Variants in TDRD7 observed in about 807,000 individuals in gnomAD.
TDRD7 encodes tudor domain containing 7.
TDRD7 carries 47 observed loss-of-function variants against 109.8 expected under a neutral mutation model. That is an observed-to-expected ratio of 0.43 (90% CI 0.34 to 0.55). The LOEUF (loss-of-function observed/expected upper bound fraction) is 0.55, where lower values mean the gene tolerates loss of function less well. Among genes scored for constraint, TDRD7 ranks in the 20% least tolerant of loss-of-function variants. TDRD7 has a pLI of 0.03. For synonymous variants in TDRD7, 424 were observed against 457.3 expected, an observed-to-expected ratio of 0.93 and a Z score of 0.93; for missense variants, 1,164 against 1,319.2, an observed-to-expected ratio of 0.88 and a Z score of 1.82.
intron 13 of TDRD7, chr9:97,480,392 G>A (rs887566660): frequency 9.3e-6 from 2 of 214,616 alleles, no homozygotes; most frequent in Non-Finnish European, 1.9e-5. Context: ...GCTGAATGAA[G>A]CAACAGGAGT....
intron 1 of TDRD7, among the ~76,000 whole-genome samples, chr9:97,413,968 G>T (rs1410218100): frequency 3.3e-5 from 5 of 152,144 alleles, no homozygotes; most frequent in African/African-American, 1.2e-4. Context: ...ATATAATCTA[G>T]CTGGATACTT....
chr9:97,466,876 A>G (rs1411079886), intron 8 of TDRD7, among the ~76,000 whole-genome samples: 1 of 152,228 alleles, frequency 6.6e-6, no homozygotes, highest in Non-Finnish European at 1.5e-5. Context: ...TGATGATTAT[A>G]TGGATGTATA....
intron 7 of TDRD7, among the ~76,000 whole-genome samples, chr9:97,461,034 G>A (rs750260738): frequency 2.0e-5 from 3 of 152,038 alleles, no homozygotes; most frequent in East Asian, 1.9e-4. Context: ...CCAGCTACTC[G>A]GGAGGCTGAG....
rs1828961441 is a variant in TDRD7, at chr9:97,473,663, T to G, written c.2079+37T>G. 8 of 1,612,480 alleles carry G rather than the reference T, an allele frequency of 5.0e-6. No homozygotes were observed. The East Asian group carries it at 1.8e-4, about 36-fold the overall frequency. ...CCTCTTCTACCTCTAAAATTAGCCC[T>G]AAAATTACAAGCAAGAGTAATTTAC... is the stretch of plus-strand genomic sequence containing the variant. On this transcript the variant is annotated intron_variant, in intron 11 of 16. Transcript: ENST00000355295.
At chr9:97,430,848 A>T in intron 2 of TDRD7, 85 bp from the exon 3 acceptor site, 2 of 1,545,920 alleles carry the variant, frequency 1.3e-6, no homozygotes, top group Non-Finnish European at 1.8e-6. Context: ...ATGTAGGCTC[A>T]CTAAGATCCA....
At chr9:97,454,093 A>G (rs1210317400) in intron 6 of TDRD7, among the ~76,000 whole-genome samples, 3 of 152,230 alleles carry the variant, frequency 2.0e-5, no homozygotes, top group East Asian at 3.8e-4. Context: ...CAGAATATAC[A>G]TTCTTCACAG....
chr9:97,429,484 C>T (rs1451773895), intron 2 of TDRD7, among the ~76,000 whole-genome samples: 8 of 152,142 alleles, frequency 5.3e-5, no homozygotes. Context: ...TCACCAAAAC[C>T]TGACATAGTG....
intron 7 of TDRD7, among the ~76,000 whole-genome samples, chr9:97,462,602 T>G (rs1828743859): frequency 6.6e-6 from 1 of 152,200 alleles, no homozygotes; most frequent in Non-Finnish European, 1.5e-5. Flanking sequence ...ATCTCAAATA[T>G]GGGAATCCCT....
At chr9:97,487,106 C>T in intron 15 of TDRD7, 66 bp from the exon 16 acceptor site, 3 of 1,499,596 alleles carry the variant, frequency 2.0e-6, no homozygotes, top group South Asian at 2.3e-5. Flanking sequence ...TAAAATATTT[C>T]TTGCCCTTAA....
chr9:97,483,362 G>C lies in TDRD7; in HGVS notation c.2915+11G>C, dbSNP rs554571640. On this transcript the variant is annotated intron_variant, in intron 15 of 16. Transcript: ENST00000355295. The stretch of plus-strand genomic sequence containing the variant: ...AAAAGTGGAAAATAAGTAGGTCCTT[G>C]GACAAAGCATTTTATTCTACTCCTA... 6.2e-7 allele frequency: 1 copy of C among 1,612,514 alleles called. No individual in the cohort carries two copies. The highest frequency in any genetic ancestry group is 1.3e-5 in the African/African-American group (1 of 74,908).
intron 16 of TDRD7, among the ~76,000 whole-genome samples, chr9:97,494,711 TA>T (rs374276274): frequency 0.032 from 3,105 of 98,184 alleles, 31 homozygotes; most frequent in Middle Eastern, 0.037. Context: ...TATATATATA[TA>T]TTTTTTTTTT....
At chr9:97,413,627 A>G (rs147917406) in intron 1 of TDRD7, among the ~76,000 whole-genome samples, 2 of 152,322 alleles carry the variant, frequency 1.3e-5, no homozygotes, top group Admixed American at 1.3e-4. Flanking sequence ...CTCAGCTGAC[A>G]TTCATTGAGC....
chr9:97,441,874 C>A lies in TDRD7; in HGVS notation c.854C>A (p.Thr285Lys). The change falls in exon 6 of 17, where the codon ACG becomes AAG. Residue 285 changes from threonine to lysine, a missense_variant and splice_region_variant. Transcript: ENST00000355295. ...QQFEHWPHICTVEKPCSGGQD... is the reference protein window; with the variant it reads ...QQFEHWPHICKVEKPCSGGQD... ...TTTGAACACTGGCCTCATATTTGCACGGTATGTTTTTCCTTATTCCTCCCT... is the reference window on the plus strand; with the variant it reads ...TTTGAACACTGGCCTCATATTTGCAAGGTATGTTTTTCCTTATTCCTCCCT... The A allele has an allele frequency of 6.2e-7, 1 of 1,612,886 alleles. No homozygotes were observed. The highest frequency in any genetic ancestry group is 1.7e-5 in the Admixed American group (1 of 59,992).
chr9:97,434,456 G>T (rs1828159820), intron 4 of TDRD7, among the ~76,000 whole-genome samples: 1 of 152,068 alleles, frequency 6.6e-6, no homozygotes, highest in Non-Finnish European at 1.5e-5. Flanking sequence ...ATGATATATT[G>T]TGTACTTGCA....
chr9:97,438,384 C>T (rs1770823945), intron 4 of TDRD7, among the ~76,000 whole-genome samples: 1 of 152,012 alleles, frequency 6.6e-6, no homozygotes, highest in South Asian at 2.1e-4. Flanking sequence ...CTATGTGTAC[C>T]ATGTCACTAT....
intron 6 of TDRD7, among the ~76,000 whole-genome samples, chr9:97,442,201 A>G (rs1242931892): frequency 1.3e-5 from 2 of 152,194 alleles, no homozygotes; most frequent in Admixed American, 6.5e-5. Flanking sequence ...TTGCCATTTT[A>G]ATAAATCTGA....
rs114807081 is a variant in TDRD7 at position 97,468,496 on chromosome 9, G to A, written c.1630-2062G>A. On this transcript the variant is annotated intron_variant, in intron 8 of 16. Transcript: ENST00000355295. ...GGGACAGCGGTGATTGTAGCAATCC[G>A]GGCCTGAACTTGTTCCCCACATCCC... Among the ~76,000 whole-genome samples the A allele has an allele frequency of 2.1e-3, 320 of 152,310 alleles. 1 individual carries two copies. Among genetic ancestry groups the A allele is most frequent in the African/African-American group, 7.0e-3 (292 of 41,568 alleles).
intron 13 of TDRD7, chr9:97,480,430 T>G: frequency 4.9e-6 from 1 of 206,084 alleles, no homozygotes; most frequent in Non-Finnish European, 1.0e-5. Context: ...ACAATTGATT[T>G]TTTTTTTTTT....
chr9:97,468,948 G>GT (rs1564209209), intron 8 of TDRD7, among the ~76,000 whole-genome samples: 1 of 152,222 alleles, frequency 6.6e-6, no homozygotes, highest in Non-Finnish European at 1.5e-5. Context: ...ATGGACAAGT[G>GT]TTTTATAAAC....
Sources: gnomAD v4.1 joint callset for allele counts (sites outside exome capture counted in the v4.1 genomes callset) on GRCh38, gnomAD v4.1.1 for gene constraint, MANE v1.5 for transcripts, NCBI Gene and HGNC (gene_info 2026-07-23, HGNC 2026-07-21) for gene names.